The following PCDHA1 variants were observed in gnomAD, a reference collection of about 807,000 sequenced individuals.
PCDHA1 encodes protocadherin alpha 1.
PCDHA1 carries 42 observed loss-of-function variants against 61.3 expected under a neutral mutation model. That is an observed-to-expected ratio of 0.69 (90% CI 0.54 to 0.89). PCDHA1 has a LOEUF of 0.89. Among genes scored for constraint, PCDHA1 ranks in the 40% least tolerant of loss-of-function variants. PCDHA1 has a pLI of 0.00. For missense variants in PCDHA1, 1,256 were observed against 1,235.3 expected, an observed-to-expected ratio of 1.02 and a Z score of -0.25; for synonymous variants, 610 against 553.8, an observed-to-expected ratio of 1.10 and a Z score of -1.43.
At position 140,990,592 on chromosome 5, in the gene PCDHA1, C is replaced by T. The variant is rs150978794; in HGVS notation, c.2542+8029C>T. On this transcript the variant is annotated intron_variant, in intron 3 of 3. Coordinates refer to ENST00000504120, the MANE Select transcript of PCDHA1 (RefSeq NM_018900.4). ...GTTCGATCTCTTTTCCTATAATCAC[C>T]TGGAGTCAGATGAATACCGTAAAGG... 2.7e-3 allele frequency among the ~76,000 whole-genome samples: 412 copies of T among 152,286 alleles called. 2 individuals are homozygous for T. Among genetic ancestry groups the T allele is most frequent in the African/African-American group, 9.5e-3 (395 of 41,556 alleles).
rs141559668 is a variant in PCDHA1, at chr5:140,830,266, G to A, written c.2394+41582G>A. On this transcript the variant is annotated intron_variant, in intron 1 of 3. Transcript: ENST00000504120. ...TGTACACAGCGCTGCGGTGCTCGGC[G>A]CCACCCACCGAGGGCGCGTGCACGG... 1.1e-4 allele frequency: 170 copies of A among 1,613,648 alleles called. No homozygotes were observed. The Middle Eastern group carries it at 1.5e-3, about 14-fold the overall frequency.
chr5:140,803,346 C>T (rs1554122739), intron 1 of PCDHA1: 5 of 1,614,196 alleles, frequency 3.1e-6, no homozygotes, highest in Admixed American at 1.7e-5. Flanking sequence ...CACACTGCTG[C>T]TATATACTGC....
Position 140,956,868 on chromosome 5 carries a change from G to A in PCDHA1, c.2395-22081G>A, listed in dbSNP as rs1161897507. Among the ~76,000 whole-genome samples, 4 of 152,082 alleles carry A rather than the reference G, an allele frequency of 2.6e-5. No individual in the cohort carries two copies. In the South Asian group the frequency reaches 8.3e-4, roughly 32 times the overall value. On this transcript the variant is annotated intron_variant, in intron 1 of 3. Transcript: ENST00000504120. ...GGGTTAAATGGTTGAATGAATGTGT[G>A]AAAAGTTAGATATCAATGAATGAAT...
intron 1 of PCDHA1, chr5:140,809,633 T>C (rs1554125334): frequency 2.0e-6 from 3 of 1,504,022 alleles, no homozygotes; most frequent in South Asian, 1.4e-5. Flanking sequence ...AACTTCTTCG[T>C]AAATTTATTT....
intron 1 of PCDHA1, among the ~76,000 whole-genome samples, chr5:140,959,306 T>C (rs1554224009): frequency 6.6e-6 from 1 of 152,072 alleles, no homozygotes. Flanking sequence ...AGCCCGGTGG[T>C]TGAAGCTGCA....
intron 1 of PCDHA1, among the ~76,000 whole-genome samples, chr5:140,826,325 G>T (rs1455505548): frequency 6.6e-6 from 1 of 151,996 alleles, no homozygotes; most frequent in East Asian, 1.9e-4. Context: ...GATTGTTTTT[G>T]GTTAAGAAAT....
intron 1 of PCDHA1, chr5:140,796,392 G>T (rs1554119879): frequency 3.7e-6 from 6 of 1,613,790 alleles, no homozygotes; most frequent in African/African-American, 2.7e-5. Context: ...ACATCTTCAC[G>T]GTGTCAGCGT....
rs782576028 is a variant in PCDHA1 at position 140,788,553 on chromosome 5, C to T, written c.2263C>T (p.Arg755Trp). The T allele has an allele frequency of 1.4e-5, 22 of 1,613,974 alleles. No homozygotes were observed. The highest frequency in any genetic ancestry group is 2.7e-5 in the African/African-American group (2 of 74,946). The change falls in exon 1 of 4, where the codon CGG becomes TGG. Residue 755 changes from arginine (R) to tryptophan (W), a missense_variant. Arg to Trp is a moderately radical substitution (Grantham distance 101, BLOSUM62 -3). Transcript: ENST00000504120. The stretch of plus-strand genomic sequence containing the variant: ...GAGCTGGTCGAACTCACAGCAGAGG[C>T]GGCAGAGGGTGTGCTCTAGCGAGGG... ...LGSWSNSQQR[R>W]QRVCSSEGPP... is the part of the protein sequence containing the mutation.
chr5:140,903,958 T>G (rs960235173), intron 1 of PCDHA1, among the ~76,000 whole-genome samples: 1 of 152,236 alleles, frequency 6.6e-6, no homozygotes, highest in Non-Finnish European at 1.5e-5. Context: ...GAAAATTATT[T>G]GTTGATTTTT....
intron 1 of PCDHA1, chr5:140,876,441 T>C (rs1582281358): frequency 6.2e-7 from 1 of 1,613,992 alleles, no homozygotes; most frequent in East Asian, 2.2e-5. Flanking sequence ...TTAACGCCAT[T>C]GATAAAGGGA....
intron 1 of PCDHA1, chr5:140,877,085 G>T: frequency 6.2e-7 from 1 of 1,613,214 alleles, no homozygotes; most frequent in Non-Finnish European, 8.5e-7. Context: ...GTGAGCGCGC[G>T]CGACGCCGGC....
intron 1 of PCDHA1, chr5:140,857,508 C>A: frequency 6.3e-7 from 1 of 1,598,226 alleles, no homozygotes; most frequent in African/African-American, 1.3e-5. Flanking sequence ...CAGGAGAACG[C>A]CCTGGTGTCC....
intron 1 of PCDHA1, chr5:140,876,344 G>T (rs1554168492): frequency 6.2e-7 from 1 of 1,614,040 alleles, no homozygotes; most frequent in Admixed American, 1.7e-5. Flanking sequence ...AGTGAGAAAT[G>T]TATGTTTTCA....
chr5:140,903,857 T>C (rs2070669832), intron 1 of PCDHA1, among the ~76,000 whole-genome samples: 1 of 152,172 alleles, frequency 6.6e-6, no homozygotes, highest in South Asian at 2.1e-4. Context: ...TAACAAATAA[T>C]ATAGAGTAAA....
chr5:140,867,527 T>C (rs1238140449), intron 1 of PCDHA1: 1 of 152,106 alleles, frequency 6.6e-6, no homozygotes, highest in Non-Finnish European at 1.5e-5. Context: ...TAGTTGAATA[T>C]ATATATAAAA....
intron 1 of PCDHA1, among the ~76,000 whole-genome samples, chr5:140,896,631 C>A (rs1583239619): frequency 6.6e-6 from 1 of 152,014 alleles, no homozygotes; most frequent in East Asian, 1.9e-4. Context: ...CCTGCCTTGG[C>A]CTCCCAAAGT....
At chr5:140,850,270 G>A (rs782505254) in intron 1 of PCDHA1, 1 of 1,594,948 alleles carries the variant, frequency 6.3e-7, no homozygotes, top group African/African-American at 1.3e-5. Flanking sequence ...GTAGTGGTGG[G>A]GAAGGTGCGC....
chr5:140,881,310 G>A (rs782291557), intron 1 of PCDHA1: 31 of 977,830 alleles, frequency 3.2e-5, no homozygotes, highest in Non-Finnish European at 3.6e-5. Flanking sequence ...TAACCTCCTG[G>A]TTAAATTCTA....
chr5:140,787,239 G>T lies in PCDHA1; in HGVS notation c.949G>T (p.Glu317Ter). 1 of 1,614,120 alleles carries T rather than the reference G, an allele frequency of 6.2e-7. No homozygotes were observed. Among genetic ancestry groups the T allele is most frequent in the East Asian group, 2.2e-5 (1 of 44,892 alleles). Residue 317 changes from glutamate to a stop codon, truncating the protein, a stop_gained, in exon 1 of 4, where the codon GAA becomes TAA. Coordinates refer to ENST00000504120, the MANE Select transcript of PCDHA1 (RefSeq NM_018900.4). LOFTEE classifies it high-confidence loss of function. Reference protein sequence around the residue: ...KLDYEETKSYEIQVKAVDKGS... With the variant: ...KLDYEETKSY ...GGATTATGAAGAAACAAAATCCTACGAAATTCAAGTAAAGGCAGTTGATAA... is the reference window on the plus strand; with the variant it reads ...GGATTATGAAGAAACAAAATCCTACTAAATTCAAGTAAAGGCAGTTGATAA...
Sources: allele counts gnomAD v4.1 joint callset (sites outside exome capture counted in the v4.1 genomes callset), GRCh38; gene constraint gnomAD v4.1.1; transcripts MANE v1.5; gene names NCBI Gene and HGNC (gene_info 2026-07-23, HGNC 2026-07-21).